OSBPL1A: variants seen among roughly 807,000 people sequenced by gnomAD.
The protein encoded by OSBPL1A is oxysterol binding protein like 1A.
A neutral mutation model predicts 137.1 loss-of-function variants in OSBPL1A; 80 were observed. The observed-to-expected ratio is 0.58, with a 90% CI of 0.49 to 0.70. The LOEUF (loss-of-function observed/expected upper bound fraction) is 0.70, where lower values mean the gene tolerates loss of function less well. Ranked by LOEUF, OSBPL1A falls within the 30% of genes least tolerant of loss-of-function variation. The probability of loss-of-function intolerance (pLI) is 0.00; values close to 1 mark genes in which losing one functional copy is unlikely to be tolerated. For missense variants in OSBPL1A, 970 were observed against 1,129.4 expected, an observed-to-expected ratio of 0.86 and a Z score of 2.02; for synonymous variants, 365 against 389.7, an observed-to-expected ratio of 0.94 and a Z score of 0.75.
At chr18:24,242,376 G>A (rs971483935) in intron 15 of OSBPL1A, among the ~76,000 whole-genome samples, 2 of 151,906 alleles carry the variant, frequency 1.3e-5, no homozygotes, top group African/African-American at 4.8e-5. Flanking sequence ...AGCACTGGAT[G>A]GAGTGACATC....
chr18:24,250,201 G>A lies in OSBPL1A; in HGVS notation c.1282-10819C>T, dbSNP rs2146025846. Among the ~76,000 whole-genome samples the A allele has an allele frequency of 1.5e-5, 2 of 137,644 alleles. 1 individual carries two copies. The highest frequency in any genetic ancestry group is 3.2e-5 in the Non-Finnish European group (2 of 62,256). The allele number at this position is 137,644 out of a possible 152,430, so 90.3% of individuals were successfully genotyped here. On this transcript the variant is annotated intron_variant, in intron 15 of 27. Transcript: ENST00000319481. ...TTGTTTGTTTGTTTTTTTTGACATG[G>A]AGTCTCACTCCGTCGCCCAGACTGG...
chr18:24,295,881 T>A (rs899489381), intron 14 of OSBPL1A, among the ~76,000 whole-genome samples: 1 of 151,894 alleles, frequency 6.6e-6, no homozygotes, highest in Non-Finnish European at 1.5e-5. Context: ...TCCATAACAG[T>A]AACCATGATG....
chr18:24,174,261 G>A (rs2086368402), intron 21 of OSBPL1A, among the ~76,000 whole-genome samples: 1 of 152,216 alleles, frequency 6.6e-6, no homozygotes, highest in Non-Finnish European at 1.5e-5. Context: ...TGATATTGCT[G>A]AGTCATGTGG....
intron 17 of OSBPL1A, among the ~76,000 whole-genome samples, chr18:24,206,299 G>A (rs944411809): frequency 1.3e-5 from 2 of 152,212 alleles, no homozygotes; most frequent in African/African-American, 4.8e-5. Context: ...TCCCTTCTAA[G>A]AGCTTCTGGT....
At position 24,321,200 on chromosome 18, in the gene OSBPL1A, CACTT is replaced by C. The variant is rs1308059825; in HGVS notation, c.626-2395_626-2392del. 5.9e-5 allele frequency among the ~76,000 whole-genome samples: 9 copies of C among 152,174 alleles called. No homozygotes were observed. The East Asian group carries it at 9.7e-4, about 16-fold the overall frequency. Reference sequence around the variant, plus strand: ...GATACAAATTAACATACAATTTACTCACTTAAACTGCACAAATTCAATGGTTTTT... The same window carrying C: ...GATACAAATTAACATACAATTTACTCAAACTGCACAAATTCAATGGTTTTT... On this transcript the variant is annotated intron_variant, in intron 7 of 27. Coordinates refer to ENST00000319481, the MANE Select transcript of OSBPL1A (RefSeq NM_080597.4).
At chr18:24,217,485 G>A (rs989913221) in intron 17 of OSBPL1A, among the ~76,000 whole-genome samples, 2 of 152,018 alleles carry the variant, frequency 1.3e-5, no homozygotes, top group Non-Finnish European at 2.9e-5. Context: ...TTGAACTCCT[G>A]GCCTCAAGTG....
At chr18:24,168,918 A>G (rs1293774657) in intron 24 of OSBPL1A, among the ~76,000 whole-genome samples, 1 of 152,254 alleles carries the variant, frequency 6.6e-6, no homozygotes, top group Non-Finnish European at 1.5e-5. Context: ...ATTCTCAGCC[A>G]TCCGCACTCT....
chr18:24,215,476 G>A (rs202052130), intron 17 of OSBPL1A, among the ~76,000 whole-genome samples: 2 of 152,202 alleles, frequency 1.3e-5, no homozygotes, highest in East Asian at 3.9e-4. Flanking sequence ...CAACCAACCT[G>A]TTAAGGATCT....
chr18:24,224,309 A>G (rs1259021220), intron 17 of OSBPL1A, among the ~76,000 whole-genome samples: 2 of 152,168 alleles, frequency 1.3e-5, no homozygotes, highest in Non-Finnish European at 2.9e-5. Flanking sequence ...ATTATTTTCC[A>G]GCAATTACCA....
At chr18:24,283,006 G>A (rs569804221) in intron 14 of OSBPL1A, among the ~76,000 whole-genome samples, 1 of 151,968 alleles carries the variant, frequency 6.6e-6, no homozygotes, top group Non-Finnish European at 1.5e-5. Context: ...CTACTTGGGA[G>A]GCTGAGGCAG....
At chr18:24,224,130 A>C (rs2087985505) in intron 17 of OSBPL1A, among the ~76,000 whole-genome samples, 1 of 152,192 alleles carries the variant, frequency 6.6e-6, no homozygotes, top group Non-Finnish European at 1.5e-5. Flanking sequence ...TAATCTTTTA[A>C]AAATAAATAC....
chr18:24,226,012 G>A (rs2088065230), intron 16 of OSBPL1A, among the ~76,000 whole-genome samples: 1 of 152,038 alleles, frequency 6.6e-6, no homozygotes, highest in African/African-American at 2.4e-5. Context: ...ACTTTTTCCA[G>A]GATGATAATA....
At chr18:24,243,259 C>T (rs2088770558) in intron 15 of OSBPL1A, among the ~76,000 whole-genome samples, 1 of 152,122 alleles carries the variant, frequency 6.6e-6, no homozygotes, top group African/African-American at 2.4e-5. Flanking sequence ...ACAAGGACTA[C>T]AAAATTGAGC....
intron 3 of OSBPL1A, among the ~76,000 whole-genome samples, chr18:24,367,254 A>G (rs1277668147): frequency 1.3e-5 from 2 of 151,784 alleles, no homozygotes; most frequent in Non-Finnish European, 2.9e-5. Context: ...ATATGTACAC[A>G]TATAGTAGTG....
At chr18:24,288,962 A>G (rs2090122975) in intron 14 of OSBPL1A, among the ~76,000 whole-genome samples, 1 of 152,190 alleles carries the variant, frequency 6.6e-6, no homozygotes, top group African/African-American at 2.4e-5. Flanking sequence ...AGCTAAGCAG[A>G]GTCAAGCCTG....
chr18:24,171,240 T>C (rs556929001), intron 23 of OSBPL1A, among the ~76,000 whole-genome samples, 169 bp downstream of exon 23: 1 of 151,838 alleles, frequency 6.6e-6, no homozygotes, highest in South Asian at 2.1e-4. Context: ...TTTACTATGT[T>C]GGCCAGGCTG....
intron 15 of OSBPL1A, among the ~76,000 whole-genome samples, chr18:24,261,499 A>G (rs1210713807): frequency 1.3e-5 from 2 of 152,198 alleles, no homozygotes; most frequent in African/African-American, 2.4e-5. Context: ...TATATTGACA[A>G]TGGAAGTTAA....
At chr18:24,395,684 G>A (rs972577321) in intron 1 of OSBPL1A, among the ~76,000 whole-genome samples, 2 of 151,556 alleles carry the variant, frequency 1.3e-5, no homozygotes, top group African/African-American at 2.4e-5. Flanking sequence ...GCAACAGCAC[G>A]ATCTCCATTC....
intron 15 of OSBPL1A, among the ~76,000 whole-genome samples, chr18:24,269,247 T>A (rs947763611): frequency 6.6e-6 from 1 of 152,222 alleles, no homozygotes; most frequent in East Asian, 1.9e-4. Context: ...TTTCAGTGAC[T>A]CTAACTGCCC....
Sources: allele counts gnomAD v4.1 joint callset (sites outside exome capture counted in the v4.1 genomes callset), GRCh38; gene constraint gnomAD v4.1.1; transcripts MANE v1.5; gene names NCBI Gene and HGNC (gene_info 2026-07-23, HGNC 2026-07-21).